DSCAM: variants seen among roughly 807,000 people sequenced by gnomAD.
DSCAM encodes the protein cell adhesion molecule DSCAM.
Under a neutral mutation model 217.7 loss-of-function variants are expected in DSCAM, and 47 were observed. The ratio of observed to expected loss-of-function variants is 0.22; its 90% CI spans 0.17 to 0.28. The LOEUF (loss-of-function observed/expected upper bound fraction) is 0.28. DSCAM is among the 10% of genes least tolerant of loss of function. The pLI, the probability that DSCAM is intolerant of heterozygous loss-of-function variation, is 1.00. For synonymous variants in DSCAM, 1,056 were observed against 1,015.3 expected, an observed-to-expected ratio of 1.04 and a Z score of -0.76; for missense variants, 2,080 against 2,618.3, an observed-to-expected ratio of 0.79 and a Z score of 4.49.
At chr21:40,261,651 C>A (rs199561095) in intron 11 of DSCAM, among the ~76,000 whole-genome samples, 1,838 of 94,088 alleles carry the variant, frequency 0.02, 40 homozygotes, top group African/African-American at 0.052. Flanking sequence ...CTCTCTCTCT[C>A]TACACACACA....
chr21:40,160,545 T>C (rs1299400659), intron 16 of DSCAM, among the ~76,000 whole-genome samples: 1 of 152,200 alleles, frequency 6.6e-6, no homozygotes, highest in African/African-American at 2.4e-5. Flanking sequence ...ATTTAAGTCA[T>C]TTTCAATATC....
At chr21:40,782,737 A>C (rs1410067511) in intron 1 of DSCAM, among the ~76,000 whole-genome samples, 1 of 151,214 alleles carries the variant, frequency 6.6e-6, no homozygotes, top group African/African-American at 2.5e-5. Flanking sequence ...CTAAAAAATA[A>C]ATAAATATAA....
rs572967944 is a variant in DSCAM, at chr21:40,382,099, C to T, written c.509-12854G>A. Among the ~76,000 whole-genome samples the T allele has an allele frequency of 9.2e-5, 14 of 152,300 alleles. No homozygotes were observed. The South Asian group carries it at 1.2e-3, about 14-fold the overall frequency. On this transcript the variant is annotated intron_variant, in intron 3 of 32. Transcript: ENST00000400454. ...ATTGTTACTTTTCTGACTAGGCTTC[C>T]GTTTCAAAGCAAGGCTAATCGTCTT...
chr21:40,562,376 T>C (rs1175402109), intron 3 of DSCAM, among the ~76,000 whole-genome samples: 1 of 152,204 alleles, frequency 6.6e-6, no homozygotes, highest in Non-Finnish European at 1.5e-5. Context: ...ATTGTTAAGT[T>C]TCCTGGGGCC....
intron 3 of DSCAM, among the ~76,000 whole-genome samples, chr21:40,628,108 G>T (rs564394672): frequency 1.8e-4 from 27 of 152,252 alleles, no homozygotes; most frequent in African/African-American, 5.8e-4. Flanking sequence ...TGTGTCTTTT[G>T]TCTTTGTAGA....
intron 3 of DSCAM, among the ~76,000 whole-genome samples, chr21:40,381,137 A>G (rs2075020438): frequency 6.6e-6 from 1 of 152,024 alleles, no homozygotes; most frequent in South Asian, 2.1e-4. Context: ...GATGAGGCAA[A>G]GGCGATGAGG....
chr21:40,062,404 G>C (rs2089137066), intron 28 of DSCAM, among the ~76,000 whole-genome samples: 1 of 152,242 alleles, frequency 6.6e-6, no homozygotes, highest in Admixed American at 6.5e-5. Flanking sequence ...ACAGACAGTG[G>C]TAAGAGGAGC....
At chr21:40,756,010 C>G (rs1200893899) in intron 1 of DSCAM, among the ~76,000 whole-genome samples, 1 of 152,174 alleles carries the variant, frequency 6.6e-6, no homozygotes, top group Admixed American at 6.5e-5. Flanking sequence ...TTATGCATGT[C>G]ACTGTATGAT....
intron 18 of DSCAM, among the ~76,000 whole-genome samples, chr21:40,137,998 C>G (rs1033731117): frequency 6.6e-6 from 1 of 152,088 alleles, no homozygotes; most frequent in Non-Finnish European, 1.5e-5. Flanking sequence ...CTAGCAATCT[C>G]AAATAAATTG....
intron 24 of DSCAM, among the ~76,000 whole-genome samples, chr21:40,081,686 T>G (rs2089462262): frequency 6.6e-6 from 1 of 152,172 alleles, no homozygotes; most frequent in Non-Finnish European, 1.5e-5. Flanking sequence ...AAAACTCCTC[T>G]AATCCTTGGT....
intron 8 of DSCAM, among the ~76,000 whole-genome samples, chr21:40,333,689 AC>A: frequency 6.6e-6 from 1 of 152,190 alleles, no homozygotes; most frequent in East Asian, 1.9e-4. Flanking sequence ...TTTATTTAAG[AC>A]CCTTCTAAGT....
chr21:40,487,304 C>CGTGT (rs57837494), intron 3 of DSCAM, among the ~76,000 whole-genome samples: 7 of 141,770 alleles, frequency 4.9e-5, no homozygotes, highest in African/African-American at 8.0e-5. Flanking sequence ...TGTGTGCGTG[C>CGTGT]GTGTGTGTGT....
intron 3 of DSCAM, among the ~76,000 whole-genome samples, chr21:40,506,376 T>C (rs759987380): frequency 9.9e-5 from 15 of 152,120 alleles, no homozygotes; most frequent in Non-Finnish European, 2.1e-4. Context: ...ACATGAAAAA[T>C]ACCAGTGGGA....
chr21:40,563,817 TAG>T (rs1196539739), intron 3 of DSCAM, among the ~76,000 whole-genome samples: 7 of 147,322 alleles, frequency 4.8e-5, no homozygotes, highest in Non-Finnish European at 1.0e-4. Flanking sequence ...TGTGTATATA[TAG>T]TTATATGTTT....
intron 3 of DSCAM, among the ~76,000 whole-genome samples, chr21:40,637,291 A>G (rs1395258896): frequency 4.4e-5 from 1 of 22,784 alleles, no homozygotes; most frequent in African/African-American, 1.8e-4. Context: ...ATAAATATAT[A>G]TAAATATAAA....
At chr21:40,536,206 G>A (rs991418657) in intron 3 of DSCAM, among the ~76,000 whole-genome samples, 6 of 152,222 alleles carry the variant, frequency 3.9e-5, no homozygotes, top group Middle Eastern at 3.4e-3. Context: ...CTGTGATGCC[G>A]ACTGGGACAC....
At chr21:40,318,528 T>C (rs979010702) in intron 8 of DSCAM, among the ~76,000 whole-genome samples, 2 of 152,290 alleles carry the variant, frequency 1.3e-5, no homozygotes, top group South Asian at 2.1e-4. Flanking sequence ...TGAGTCAATA[T>C]CTGGCCTTGT....
chr21:40,544,845 T>A (rs1568893259), intron 3 of DSCAM, among the ~76,000 whole-genome samples: 2 of 152,074 alleles, frequency 1.3e-5, no homozygotes, highest in African/African-American at 2.4e-5. Flanking sequence ...ATAGTCAAAT[T>A]GAACTTGCGT....
intron 12 of DSCAM, among the ~76,000 whole-genome samples, chr21:40,188,347 G>T (rs1456628292): frequency 1.3e-5 from 2 of 151,784 alleles, no homozygotes; most frequent in African/African-American, 2.4e-5. Context: ...TTTTTTCATG[G>T]TATCCAAAGC....
Sources: gnomAD v4.1 joint callset for allele counts (sites outside exome capture counted in the v4.1 genomes callset) on GRCh38, gnomAD v4.1.1 for gene constraint, MANE v1.5 for transcripts, NCBI Gene and HGNC (gene_info 2026-07-23, HGNC 2026-07-21) for gene names.